AGAP1: variants seen among roughly 807,000 people sequenced by gnomAD.
AGAP1 encodes the protein arf-GAP with GTPase, ANK repeat and PH domain-containing protein 1.
A neutral mutation model predicts 105.3 loss-of-function variants in AGAP1; 29 were observed. The ratio of observed to expected loss-of-function variants is 0.28; its 90% CI spans 0.21 to 0.38. The LOEUF (loss-of-function observed/expected upper bound fraction) is 0.38. Ranked by LOEUF, AGAP1 falls within the 10% of genes least tolerant of loss-of-function variation. The pLI is 1.00. For synonymous variants in AGAP1, 509 were observed against 485.9 expected (o/e 1.05, Z -0.63); for missense variants, 998 against 1,165.1 (o/e 0.86, Z 2.09).
In AGAP1 at chr2:235,717,444, G is replaced by A; in HGVS notation, c.223-113G>A. The A allele has an allele frequency of 8.6e-6, 7 of 811,290 alleles. No homozygotes were observed. In the South Asian group the frequency reaches 9.9e-5, roughly 11 times the overall value. 50.3% of individuals were successfully genotyped at this position (811,290 alleles called of 1,614,324 possible). On this transcript the variant is annotated intron_variant, in intron 2 of 17. Transcript: ENST00000304032. ...GAGCTTGTTTTTGGCCATCCAGCCA[G>A]TGCTTGGTTATGTTTGTGTTTAGGC...
chr2:235,599,133 T>C lies in AGAP1; in HGVS notation c.163+104284T>C, dbSNP rs1173104377. Among the ~76,000 whole-genome samples the C allele has an allele frequency of 6.6e-6, 1 of 152,200 alleles. No homozygotes were observed. Among genetic ancestry groups the C allele is most frequent in the Non-Finnish European group, 1.5e-5 (1 of 68,032 alleles). On this transcript the variant is annotated intron_variant, in intron 1 of 17. Transcript: ENST00000304032. This position sits in a 1 kb window ranked among gnomAD's most constrained non-coding sequence, Gnocchi z 5.3. ...GAGATGCTGCTTCTATTTTTCCTTGTGGAGAACTTACTTGACGCCAACAAA... is the reference window on the plus strand; with the variant it reads ...GAGATGCTGCTTCTATTTTTCCTTGCGGAGAACTTACTTGACGCCAACAAA...
At chr2:235,650,197 C>T (rs1026113808) in intron 1 of AGAP1, among the ~76,000 whole-genome samples, 4 of 152,084 alleles carry the variant, frequency 2.6e-5, no homozygotes, top group Admixed American at 6.6e-5. Context: ...CCCGTCTCTA[C>T]TAAAAATACA....
In AGAP1 at chr2:235,993,055, T is replaced by C. The variant is rs893352568; in HGVS notation, c.1645+24432T>C. 2.0e-5 allele frequency among the ~76,000 whole-genome samples: 3 copies of C among 152,242 alleles called. No individual in the cohort carries two copies. The highest frequency in any genetic ancestry group is 4.8e-5 in the African/African-American group (2 of 41,470). ...AACCAGTTTAAGACATGGACTTTTT[T>C]CATATGTACATCTGAAAATGACTTT... On this transcript the variant is annotated intron_variant, in intron 13 of 17. Coordinates refer to ENST00000304032, the MANE Select transcript of AGAP1 (RefSeq NM_001037131.3). This position sits in a 1 kb window ranked among gnomAD's most constrained non-coding sequence, Gnocchi z 5.0.
chr2:236,080,563 C>T lies in AGAP1; in HGVS notation c.2114+31282C>T, dbSNP rs989607979. On this transcript the variant is annotated intron_variant, in intron 16 of 17. Coordinates refer to ENST00000304032, the MANE Select transcript of AGAP1 (RefSeq NM_001037131.3). This position sits in a 1 kb window ranked among gnomAD's most constrained non-coding sequence, Gnocchi z 4.2. ...TGCTGTATCTTGTACACGTTTCATCCATCCAGCTTTTAGCCTCTCAATCCT... is the reference window on the plus strand; with the variant it reads ...TGCTGTATCTTGTACACGTTTCATCTATCCAGCTTTTAGCCTCTCAATCCT... Among the ~76,000 whole-genome samples the T allele has an allele frequency of 2.0e-5, 3 of 152,336 alleles. No homozygotes were observed. In the Middle Eastern group the frequency reaches 0.01, roughly 518 times the overall value.
intron 10 of AGAP1, among the ~76,000 whole-genome samples, chr2:235,907,108 C>G (rs944044006): frequency 6.6e-6 from 1 of 152,208 alleles, no homozygotes; most frequent in African/African-American, 2.4e-5. Context: ...ACCCTGTGTC[C>G]CAGCAGCTTC....
intron 9 of AGAP1, among the ~76,000 whole-genome samples, chr2:235,870,640 A>G (rs533204886): frequency 9.9e-5 from 15 of 152,130 alleles, no homozygotes; most frequent in African/African-American, 3.4e-4. Flanking sequence ...AAAAAAAAAA[A>G]TGATGGAGAG....
chr2:235,495,583 A>G (rs908327757), intron 1 of AGAP1, among the ~76,000 whole-genome samples: 3 of 152,234 alleles, frequency 2.0e-5, no homozygotes, highest in African/African-American at 7.2e-5. Flanking sequence ...TAAGAGGGGC[A>G]GGATGCTTGG....
At chr2:235,626,466 G>T (rs1301447616) in intron 1 of AGAP1, among the ~76,000 whole-genome samples, 10 of 152,220 alleles carry the variant, frequency 6.6e-5, no homozygotes, top group Non-Finnish European at 1.5e-5. Flanking sequence ...CACATGGGAA[G>T]TGTGTGTGAC....
In AGAP1 at chr2:235,600,451, C is replaced by T. The variant is rs1426454269; in HGVS notation, c.163+105602C>T. On this transcript the variant is annotated intron_variant, in intron 1 of 17. Coordinates refer to ENST00000304032, the MANE Select transcript of AGAP1 (RefSeq NM_001037131.3). This position sits in a 1 kb window ranked among gnomAD's most constrained non-coding sequence, Gnocchi z 4.8. ...CTGTAGATACCCCCTCATTACAGAC[C>T]CCCACCATCCCCGCTGGATTAGGGT... 6.6e-6 allele frequency among the ~76,000 whole-genome samples: 1 copy of T among 152,222 alleles called. No homozygotes were observed. The highest frequency in any genetic ancestry group is 1.5e-5 in the Non-Finnish European group (1 of 68,002).
intron 9 of AGAP1, among the ~76,000 whole-genome samples, chr2:235,857,404 C>A (rs570105338): frequency 6.6e-6 from 1 of 152,242 alleles, no homozygotes; most frequent in South Asian, 2.1e-4. Context: ...AGGTTGGGGG[C>A]CGCTGTCGTA....
rs548180168 is a variant in AGAP1, at chr2:235,659,891, T to A, written c.164-49288T>A. Among the ~76,000 whole-genome samples, 31 of 152,278 alleles carry A rather than the reference T, an allele frequency of 2.0e-4. No individual in the cohort carries two copies. Among genetic ancestry groups the A allele is most frequent in the African/African-American group, 6.0e-4 (25 of 41,580 alleles). Reference sequence around the variant, plus strand: ...AGGGACTCGTGAATCAACATCTGGCTCTTTGTGCACAATGGGCCTGGCATG... The same window carrying A: ...AGGGACTCGTGAATCAACATCTGGCACTTTGTGCACAATGGGCCTGGCATG... On this transcript the variant is annotated intron_variant, in intron 1 of 17. Transcript: ENST00000304032. This position sits in a 1 kb window ranked among gnomAD's most constrained non-coding sequence, Gnocchi z 5.0.
At position 235,741,795 on chromosome 2, in the gene AGAP1, C is replaced by T. The variant is rs1952605063; in HGVS notation, c.396+747C>T. Among the ~76,000 whole-genome samples the T allele has an allele frequency of 6.6e-6, 1 of 150,812 alleles. No homozygotes were observed. Among genetic ancestry groups the T allele is most frequent in the Non-Finnish European group, 1.5e-5 (1 of 67,838 alleles). ...TTTTGAGACAGTCTCGCTCTGTTAC[C>T]CAGGCTGGAGTGCAGTGACGTGATC... On this transcript the variant is annotated intron_variant, in intron 4 of 17. Coordinates refer to ENST00000304032, the MANE Select transcript of AGAP1 (RefSeq NM_001037131.3). The surrounding 1 kb of genome is among the most constrained non-coding windows in gnomAD (Gnocchi z 4.9).
intron 1 of AGAP1, among the ~76,000 whole-genome samples, chr2:235,650,549 A>T (rs1269027424): frequency 6.6e-6 from 1 of 151,974 alleles, no homozygotes; most frequent in Non-Finnish European, 1.5e-5. Flanking sequence ...AAAGAAGTAA[A>T]CATAGAAAAC....
At chr2:235,617,027 G>A (rs912056720) in intron 1 of AGAP1, among the ~76,000 whole-genome samples, 3 of 151,914 alleles carry the variant, frequency 2.0e-5, no homozygotes, top group Non-Finnish European at 4.4e-5. Flanking sequence ...TAGGGATTGG[G>A]CTGGGCTCAC....
rs2054281685 is a variant in AGAP1, at chr2:235,963,794, T to C, written c.1484-4668T>C. On this transcript the variant is annotated intron_variant, in intron 12 of 17. Transcript: ENST00000304032. This position sits in a 1 kb window ranked among gnomAD's most constrained non-coding sequence, Gnocchi z 5.1. ...GCATAACTAAGGCGATAGTGAAGAGTAACAACACATAGGCTTAGAACACAG... is the reference window on the plus strand; with the variant it reads ...GCATAACTAAGGCGATAGTGAAGAGCAACAACACATAGGCTTAGAACACAG... 6.6e-6 allele frequency among the ~76,000 whole-genome samples: 1 copy of C among 151,946 alleles called. No individual in the cohort carries two copies. Among genetic ancestry groups the C allele is most frequent in the Admixed American group, 6.6e-5 (1 of 15,262 alleles).
chr2:235,494,933 T>A, intron 1 of AGAP1, 84 bp downstream of exon 1: 1 of 1,337,034 alleles, frequency 7.5e-7, no homozygotes, highest in Non-Finnish European at 9.8e-7. Context: ...CGTGCGGGTG[T>A]CCACACACGC....
rs2059867403 is a variant in AGAP1 at position 236,120,217 on chromosome 2, G to A, written c.2140G>A (p.Ala714Thr). 1 of 1,612,758 alleles carries A rather than the reference G, an allele frequency of 6.2e-7. No homozygotes were observed. Among genetic ancestry groups the A allele is most frequent in the Non-Finnish European group, 8.5e-7 (1 of 1,179,274 alleles). Residue 714 changes from alanine to threonine, a missense_variant, in exon 17 of 18, where the codon GCC becomes ACC. By Grantham distance (58) the Ala-to-Thr change is moderately conservative. Around this residue, in one of 3 missense-constraint regions of AGAP1, gnomAD observed 235 missense variants for 270.7 expected, o/e 0.87. Coordinates refer to ENST00000304032, the MANE Select transcript of AGAP1 (RefSeq NM_001037131.3). This position sits in a 1 kb window ranked among gnomAD's most constrained non-coding sequence, Gnocchi z 6.0. ...TREEKERWIR[A>T]KYEQKLFLAP... Reference sequence around the variant, plus strand: ...GGAAGAGAAGGAACGGTGGATCCGTGCCAAGTACGAGCAGAAGCTCTTCCT... The same window carrying A: ...GGAAGAGAAGGAACGGTGGATCCGTACCAAGTACGAGCAGAAGCTCTTCCT...
In AGAP1 at chr2:235,566,384, A is replaced by G. The variant is rs565486073; in HGVS notation, c.163+71535A>G. On this transcript the variant is annotated intron_variant, in intron 1 of 17. Coordinates refer to ENST00000304032, the MANE Select transcript of AGAP1 (RefSeq NM_001037131.3). The surrounding 1 kb of genome is among the most constrained non-coding windows in gnomAD (Gnocchi z 5.2). ...ACGCCCGGCCTTGTATTATTTTTCA[A>G]TGCATTGCAAAGTCAACGGCAGACT... Among the ~76,000 whole-genome samples, 15 of 152,328 alleles carry G rather than the reference A, an allele frequency of 9.8e-5. No homozygotes were observed. The highest frequency in any genetic ancestry group is 3.3e-4 in the Admixed American group (5 of 15,308).
intron 3 of AGAP1, among the ~76,000 whole-genome samples, chr2:235,735,492 C>G (rs1488297925): frequency 2.0e-5 from 3 of 152,124 alleles, no homozygotes; most frequent in Admixed American, 2.0e-4. Context: ...TCCCCCAGCA[C>G]CCCAAATTTA....
Sources: gnomAD v4.1 joint callset for allele counts (sites outside exome capture counted in the v4.1 genomes callset) on GRCh38, gnomAD v4.1.1 for gene constraint, gnomAD v4.1.1 regional missense constraint, Gnocchi (gnomAD v3.1) non-coding constraint, MANE v1.5 for transcripts, NCBI Gene and HGNC (gene_info 2026-07-23, HGNC 2026-07-21) for gene names.